The following KAZN variants were observed in gnomAD, a reference collection of about 807,000 sequenced individuals.
The protein encoded by KAZN is kazrin, periplakin interacting protein.
Under a neutral mutation model 87.4 loss-of-function variants are expected in KAZN, and 40 were observed. The ratio of observed to expected loss-of-function variants is 0.46; its 90% CI spans 0.36 to 0.60. KAZN has a LOEUF of 0.60. Among genes scored for constraint, KAZN ranks in the 20% least tolerant of loss-of-function variants. The pLI, the probability that KAZN is intolerant of heterozygous loss-of-function variation, is 0.00. For synonymous variants in KAZN, 466 were observed against 458.3 expected (o/e 1.02, Z -0.22); for missense variants, 898 against 1,073.9 (o/e 0.84, Z 2.29).
At chr1:14,908,583 G>A (rs1436316318) in intron 1 of KAZN, among the ~76,000 whole-genome samples, 2 of 151,842 alleles carry the variant, frequency 1.3e-5, no homozygotes, top group African/African-American at 4.9e-5. Flanking sequence ...TTACCTGGGT[G>A]TGGAGGCATG....
chr1:14,818,917 T>C (rs1381651356), intron 1 of KAZN, among the ~76,000 whole-genome samples: 2 of 152,024 alleles, frequency 1.3e-5, no homozygotes, highest in Non-Finnish European at 2.9e-5. Flanking sequence ...TAGCCAGGCA[T>C]AGTGGCAGGC....
At position 14,304,145 on chromosome 1, in the gene KAZN, G is replaced by T. The variant is rs575738418; in HGVS notation, c.249+123553G>T. Among the ~76,000 whole-genome samples the T allele has an allele frequency of 3.3e-5, 5 of 152,250 alleles. No homozygotes were observed. The South Asian group carries it at 1.0e-3, about 32-fold the overall frequency. On this transcript the variant is annotated intron_variant, in intron 2 of 16. Transcript: ENST00000636203. ...CCCTTCCTCTGGGCATTTCCTTTTGGAGTGGTAGAAAATGGGCCCAGAAGA... is the reference window on the plus strand; with the variant it reads ...CCCTTCCTCTGGGCATTTCCTTTTGTAGTGGTAGAAAATGGGCCCAGAAGA...
In KAZN at chr1:14,627,290, A is replaced by G. The variant is rs1378562114; in HGVS notation, c.226+28067A>G. The stretch of plus-strand genomic sequence containing the variant: ...GAAAGAGCATGTGCAGAGGCCCATG[A>G]GGCTGCAGCCTGCTTAGTGTGCTTG... On this transcript the variant is annotated intron_variant, in intron 1 of 14. Transcript: ENST00000376030. 2.0e-5 allele frequency among the ~76,000 whole-genome samples: 3 copies of G among 152,124 alleles called. No homozygotes were observed. In the East Asian group the frequency reaches 5.8e-4, roughly 30 times the overall value.
chr1:14,907,384 AGAGT>A (rs1656714420), intron 1 of KAZN, among the ~76,000 whole-genome samples: 1 of 150,474 alleles, frequency 6.6e-6, no homozygotes. Flanking sequence ...CCTGAGCAAC[AGAGT>A]GAGACCCTGT....
At chr1:14,026,838 CAG>C (rs1369086222) in intron 1 of KAZN, among the ~76,000 whole-genome samples, 1 of 152,092 alleles carries the variant, frequency 6.6e-6, no homozygotes, top group Non-Finnish European at 1.5e-5. Flanking sequence ...GGTGAAATTG[CAG>C]AGTGGTAATT....
chr1:13,931,304 A>G lies in KAZN; in HGVS notation c.91+37548A>G, dbSNP rs142303388. Among the ~76,000 whole-genome samples, 360 of 152,300 alleles carry G rather than the reference A, an allele frequency of 2.4e-3. 1 individual carries two copies. The highest frequency in any genetic ancestry group is 8.3e-3 in the African/African-American group (345 of 41,576). ...GATTGGATTTGAAAACTGTAAACAT[A>G]AATTAATAATTCTCCCTCCAAATAG... On this transcript the variant is annotated intron_variant, in intron 1 of 16. Transcript: ENST00000636203.
intron 2 of KAZN, among the ~76,000 whole-genome samples, chr1:14,447,175 C>T (rs1667026603): frequency 6.6e-6 from 1 of 150,720 alleles, no homozygotes; most frequent in Non-Finnish European, 1.5e-5. Context: ...CATAATTCTT[C>T]TAGTTCTCCC....
intron 2 of KAZN, among the ~76,000 whole-genome samples, chr1:14,292,872 T>C (rs1337233329): frequency 6.6e-6 from 1 of 152,186 alleles, no homozygotes; most frequent in Non-Finnish European, 1.5e-5. Context: ...CTCTTGTAAA[T>C]GTGAAGATTC....
At chr1:14,413,658 C>T (rs921834290) in intron 2 of KAZN, among the ~76,000 whole-genome samples, 2 of 145,558 alleles carry the variant, frequency 1.4e-5, no homozygotes, top group Admixed American at 6.8e-5. Context: ...ACCTTTATGA[C>T]CTCTTGGTAG....
At chr1:14,911,492 G>A (rs1448274802) in intron 1 of KAZN, among the ~76,000 whole-genome samples, 2 of 152,200 alleles carry the variant, frequency 1.3e-5, no homozygotes, top group African/African-American at 2.4e-5. Context: ...CCGGCATCCT[G>A]CATTTCCGAG....
intron 1 of KAZN, among the ~76,000 whole-genome samples, chr1:14,662,141 G>A (rs1472899590): frequency 1.3e-5 from 2 of 152,170 alleles, no homozygotes; most frequent in African/African-American, 2.4e-5. Context: ...GAGGCTCCCA[G>A]GGGAGTGGTC....
intron 1 of KAZN, among the ~76,000 whole-genome samples, chr1:14,861,061 G>A (rs1444976136): frequency 6.6e-6 from 1 of 152,202 alleles, no homozygotes; most frequent in Non-Finnish European, 1.5e-5. Context: ...GTGGTGCCAA[G>A]TAATTGCAGT....
Position 15,021,659 on chromosome 1 carries a change from G to A in KAZN, c.419-13090G>A, listed in dbSNP as rs995406134. Reference sequence around the variant, plus strand: ...GCCGGGGTGGTGGCAGGGACAGTGTGCCCTGCGTGCAGTTAGCACCCTGAA... The same window carrying A: ...GCCGGGGTGGTGGCAGGGACAGTGTACCCTGCGTGCAGTTAGCACCCTGAA... On this transcript the variant is annotated intron_variant, in intron 2 of 14. Coordinates refer to ENST00000376030, the MANE Select transcript of KAZN (RefSeq NM_201628.3). This position sits in a 1 kb window ranked among gnomAD's most constrained non-coding sequence, Gnocchi z 4.2. Among the ~76,000 whole-genome samples the A allele has an allele frequency of 2.0e-5, 3 of 152,160 alleles. No homozygotes were observed. Among genetic ancestry groups the A allele is most frequent in the Non-Finnish European group, 2.9e-5 (2 of 68,026 alleles).
intron 2 of KAZN, among the ~76,000 whole-genome samples, chr1:14,549,318 A>G (rs1261149550): frequency 6.6e-6 from 1 of 152,146 alleles, no homozygotes; most frequent in African/African-American, 2.4e-5. Flanking sequence ...AAAATACTCA[A>G]CCCACAGTCT....
intron 1 of KAZN, among the ~76,000 whole-genome samples, chr1:14,774,230 G>T (rs1186535248): frequency 6.6e-6 from 1 of 152,104 alleles, no homozygotes; most frequent in Non-Finnish European, 1.5e-5. Context: ...CAGCTCTGTG[G>T]TCCCGGATTT....
chr1:14,359,504 T>A (rs982690409), intron 2 of KAZN, among the ~76,000 whole-genome samples: 18 of 152,220 alleles, frequency 1.2e-4, no homozygotes, highest in African/African-American at 4.3e-4. Flanking sequence ...ATTTTGCCCA[T>A]TAGTTGATGC....
At chr1:14,907,269 G>C (rs1003910807) in intron 1 of KAZN, among the ~76,000 whole-genome samples, 2 of 152,002 alleles carry the variant, frequency 1.3e-5, no homozygotes, top group Non-Finnish European at 2.9e-5. Context: ...GGGCATGGTG[G>C]TGCACGCTTG....
At chr1:15,043,686 C>T (rs1387777413) in intron 3 of KAZN, among the ~76,000 whole-genome samples, 4 of 140,380 alleles carry the variant, frequency 2.8e-5, no homozygotes, top group African/African-American at 1.1e-4. Flanking sequence ...CTCTGTCGCC[C>T]AGGCTGGAGT....
intron 1 of KAZN, among the ~76,000 whole-genome samples, chr1:14,763,404 C>A (rs1644797712): frequency 6.6e-6 from 1 of 152,204 alleles, no homozygotes; most frequent in Non-Finnish European, 1.5e-5. Flanking sequence ...GTGTTCTTGA[C>A]CGGCCAGGGC....
Sources: allele counts gnomAD v4.1 joint callset (sites outside exome capture counted in the v4.1 genomes callset), GRCh38; gene constraint gnomAD v4.1.1; non-coding constraint Gnocchi (gnomAD v3.1); transcripts MANE v1.5; gene names NCBI Gene and HGNC (gene_info 2026-07-23, HGNC 2026-07-21).